Variants in PHF24 observed in about 807,000 individuals in gnomAD.
PHF24 encodes the protein Galpha inhibitory interacting protein.
A neutral mutation model predicts 42.6 loss-of-function variants in PHF24; 25 were observed. The ratio of observed to expected loss-of-function variants is 0.59; its 90% CI spans 0.43 to 0.82. The LOEUF (loss-of-function observed/expected upper bound fraction) is 0.82. Ranked by LOEUF, PHF24 falls within the 40% of genes least tolerant of loss-of-function variation. The probability of loss-of-function intolerance (pLI) is 0.00; values close to 1 mark genes in which losing one functional copy is unlikely to be tolerated. For synonymous variants in PHF24, 185 were observed against 204.8 expected (o/e 0.90, Z 0.83); for missense variants, 470 against 538.1 (o/e 0.87, Z 1.25).
chr9:34,665,627 C>T, the PHF24 span: 1 of 701,514 alleles, frequency 1.4e-6, no homozygotes, highest in Non-Finnish European at 2.6e-6. Context: ...CCTCCGCCTC[C>T]AGCGCCACCT....
chr9:34,969,047 C>G (rs1332594736), intron 1 of PHF24, among the ~76,000 whole-genome samples: 1 of 152,152 alleles, frequency 6.6e-6, no homozygotes, highest in Non-Finnish European at 1.5e-5. Context: ...GTTCAAACTT[C>G]CCCAAAACAG....
the PHF24 span, among the ~76,000 whole-genome samples, chr9:34,687,035 G>A: frequency 2.6e-5 from 4 of 151,840 alleles, no homozygotes. Context: ...AAGACCCAGT[G>A]CCCAGGATGG....
At chr9:34,706,302 GAGTT>G in the PHF24 span, among the ~76,000 whole-genome samples, 3 of 152,138 alleles carry the variant, frequency 2.0e-5, no homozygotes, top group Non-Finnish European at 4.4e-5. Flanking sequence ...GTTGGCAAGA[GAGTT>G]AGATCTTCAC....
At chr9:34,862,491 G>A in the PHF24 span, among the ~76,000 whole-genome samples, 27 of 152,138 alleles carry the variant, frequency 1.8e-4, no homozygotes, top group African/African-American at 6.0e-4. Flanking sequence ...AGAGTTGTGA[G>A]GCCCCCATCC....
the PHF24 span, chr9:34,834,739 G>A: frequency 6.5e-7 from 1 of 1,539,408 alleles, no homozygotes; most frequent in Non-Finnish European, 8.8e-7. Flanking sequence ...GCCACTCCAA[G>A]GCTTCATACT....
At chr9:34,886,795 A>AAT in the PHF24 span, among the ~76,000 whole-genome samples, 89 of 134,822 alleles carry the variant, frequency 6.6e-4, no homozygotes, top group African/African-American at 2.3e-3. Flanking sequence ...CTGTCTATCT[A>AAT]CTCTATCTAT....
chr9:34,891,771 G>C, the PHF24 span, among the ~76,000 whole-genome samples: 1 of 152,192 alleles, frequency 6.6e-6, no homozygotes. Flanking sequence ...GCTGCAACAT[G>C]TCTCAGGGCT....
At chr9:34,668,868 G>A in the PHF24 span, among the ~76,000 whole-genome samples, 12 of 136,520 alleles carry the variant, frequency 8.8e-5, no homozygotes, top group African/African-American at 3.1e-4. Context: ...AGACAAATGT[G>A]TATCTGATTG....
At chr9:34,874,103 A>G in the PHF24 span, among the ~76,000 whole-genome samples, 2 of 152,010 alleles carry the variant, frequency 1.3e-5, no homozygotes, top group African/African-American at 4.8e-5. Flanking sequence ...GGGCTGAGAC[A>G]ATGGGGTTTT....
At chr9:34,744,399 T>C in the PHF24 span, among the ~76,000 whole-genome samples, 2 of 152,176 alleles carry the variant, frequency 1.3e-5, no homozygotes, top group African/African-American at 2.4e-5. Flanking sequence ...GTAAAAACTA[T>C]AACAAAATTG....
At chr9:34,736,233 A>T in the PHF24 span, among the ~76,000 whole-genome samples, 1 of 152,194 alleles carries the variant, frequency 6.6e-6, no homozygotes. Context: ...TGCAACTGAC[A>T]TCCCAGGAGA....
At chr9:34,763,877 T>C in the PHF24 span, among the ~76,000 whole-genome samples, 1 of 152,252 alleles carries the variant, frequency 6.6e-6, no homozygotes, top group African/African-American at 2.4e-5. Context: ...GTCCCATCAA[T>C]ACCTAATTTG....
the PHF24 span, among the ~76,000 whole-genome samples, chr9:34,670,374 G>A: frequency 2.0e-5 from 3 of 152,148 alleles, no homozygotes; most frequent in Non-Finnish European, 2.9e-5. Flanking sequence ...GTCTTGTTGG[G>A]GACCTTTCCC....
the PHF24 span, among the ~76,000 whole-genome samples, chr9:34,845,928 C>T: frequency 1.3e-5 from 2 of 152,096 alleles, no homozygotes; most frequent in Admixed American, 1.3e-4. Flanking sequence ...AGGACATGAA[C>T]TCATCGTTTT....
upstream of PHF24, among the ~76,000 whole-genome samples, chr9:34,956,967 A>G (rs1826389717): frequency 6.6e-6 from 1 of 152,236 alleles, no homozygotes; most frequent in African/African-American, 2.4e-5. Flanking sequence ...TCTCACCTCC[A>G]TCACATATTA....
At chr9:34,715,886 C>T in the PHF24 span, among the ~76,000 whole-genome samples, 2 of 152,202 alleles carry the variant, frequency 1.3e-5, no homozygotes, top group Non-Finnish European at 2.9e-5. Context: ...GGCCACATTC[C>T]CTTCAGTCTC....
At chr9:34,900,523 T>A in the PHF24 span, among the ~76,000 whole-genome samples, 3 of 152,134 alleles carry the variant, frequency 2.0e-5, no homozygotes, top group Non-Finnish European at 4.4e-5. Flanking sequence ...TGCTTGAGCC[T>A]GGGAGGTGGA....
the PHF24 span, among the ~76,000 whole-genome samples, chr9:34,817,381 A>G: frequency 3.2e-4 from 48 of 152,132 alleles, no homozygotes; most frequent in East Asian, 8.9e-3. Context: ...AGTAGCTGGG[A>G]CTACAGGTGC....
At chr9:34,716,571 T>TTTGTA in the PHF24 span, among the ~76,000 whole-genome samples, 1 of 35,494 alleles carries the variant, frequency 2.8e-5, no homozygotes, top group South Asian at 7.0e-4. Context: ...TTTGCTTTGT[T>TTTGTA]TTGTTTTGTT....
Sources: gnomAD v4.1 joint callset for allele counts (sites outside exome capture counted in the v4.1 genomes callset) on GRCh38, gnomAD v4.1.1 for gene constraint, MANE v1.5 for transcripts, NCBI Gene and HGNC (gene_info 2026-07-23, HGNC 2026-07-21) for gene names.